The following EBF1 variants were observed in gnomAD, a reference collection of about 807,000 sequenced individuals.
The protein encoded by EBF1 is EBF transcription factor 1, also known as transcription factor COE1.
In EBF1, 10 loss-of-function variants were observed where a neutral mutation model predicts 68.4. The observed-to-expected ratio is 0.15, with a 90% CI of 0.09 to 0.25. The LOEUF (loss-of-function observed/expected upper bound fraction) is 0.25. EBF1 is among the 10% of genes least tolerant of loss of function. The pLI, the probability that EBF1 is intolerant of heterozygous loss-of-function variation, is 1.00. For missense variants in EBF1, 509 were observed against 794.4 expected (o/e 0.64, Z 4.32); for synonymous variants, 298 against 299.8 (o/e 0.99, Z 0.06).
chr5:158,862,815 T>C (rs889584586), intron 6 of EBF1, among the ~76,000 whole-genome samples: 3 of 152,226 alleles, frequency 2.0e-5, no homozygotes, highest in Non-Finnish European at 4.4e-5. Flanking sequence ...TGACCTACAA[T>C]ATGATTATCA....
rs1554163307 is a variant in EBF1, at chr5:158,852,039, GGAGGGGAGGA to G, written c.555-11939_555-11930del. ...AGAGGGGAGGGGAGGGAAAGGGTGG[GGAGGGGAGGA>G]GAGGGGAGGAGAGGGGAGGAGAGGG... On this transcript the variant is annotated intron_variant, in intron 6 of 15. Coordinates refer to ENST00000313708, the MANE Select transcript of EBF1 (RefSeq NM_024007.5). Among the ~76,000 whole-genome samples the G allele has an allele frequency of 4.4e-4, 10 of 22,484 alleles. No homozygotes were observed. The East Asian group carries it at 5.7e-3, about 13-fold the overall frequency. 14.8% of individuals were successfully genotyped at this position (22,484 alleles called of 152,430 possible). A position where few individuals can be genotyped will look rare whatever the true frequency, so the allele number is the denominator to read the frequency against.
At chr5:158,940,538 G>T (rs1475397272) in intron 6 of EBF1, among the ~76,000 whole-genome samples, 1 of 152,126 alleles carries the variant, frequency 6.6e-6, no homozygotes. Flanking sequence ...TGGTGAAGCT[G>T]GGATTTGAAC....
rs148591600 is a variant in EBF1, at chr5:159,046,677, A to T, written c.554+26719T>A. On this transcript the variant is annotated intron_variant, in intron 6 of 15. Transcript: ENST00000313708. ...ATGATTCAGAGACTAATAAGATGTGATCTCTGCCCTCCAGAAAACTGGTGA... is the reference window on the plus strand; with the variant it reads ...ATGATTCAGAGACTAATAAGATGTGTTCTCTGCCCTCCAGAAAACTGGTGA... Among the ~76,000 whole-genome samples, 516 of 152,306 alleles carry T rather than the reference A, an allele frequency of 3.4e-3. 4 individuals are homozygous for T. Among genetic ancestry groups the T allele is most frequent in the African/African-American group, 0.012 (494 of 41,548 alleles).
chr5:158,820,434 C>T (rs911982363), intron 8 of EBF1, among the ~76,000 whole-genome samples: 1 of 152,164 alleles, frequency 6.6e-6, no homozygotes, highest in African/African-American at 2.4e-5. Flanking sequence ...TGAAAGAGTT[C>T]AATAGTCATC....
chr5:158,705,180 C>T (rs1158043852), intron 15 of EBF1, among the ~76,000 whole-genome samples: 1 of 152,124 alleles, frequency 6.6e-6, no homozygotes, highest in African/African-American at 2.4e-5. Context: ...GAGGTTTCAC[C>T]ATGTTGGCCA....
intron 6 of EBF1, among the ~76,000 whole-genome samples, chr5:158,958,007 G>T (rs542140990): frequency 6.6e-6 from 1 of 152,268 alleles, no homozygotes; most frequent in Admixed American, 6.5e-5. Flanking sequence ...AAACCTGCCT[G>T]AAATGAAAAA....
chr5:159,036,574 A>C (rs1279372675), intron 6 of EBF1, among the ~76,000 whole-genome samples: 2 of 116,912 alleles, frequency 1.7e-5, no homozygotes, highest in African/African-American at 7.2e-5. Context: ...CTATTTAATA[A>C]ATGGTGCTGG....
In EBF1 at chr5:158,722,142, C is replaced by A. The variant is rs565002841; in HGVS notation, c.1126-7960G>T. 2.0e-5 allele frequency among the ~76,000 whole-genome samples: 3 copies of A among 152,146 alleles called. No individual in the cohort carries two copies. The East Asian group carries it at 5.8e-4, about 29-fold the overall frequency. ...GCTGTGGGTTAGGTCCTGCTGAGTG[C>A]CTTGGAAATCGACTTTCTGATCAGG... On this transcript the variant is annotated intron_variant, in intron 11 of 15. Coordinates refer to ENST00000313708, the MANE Select transcript of EBF1 (RefSeq NM_024007.5).
chr5:158,925,806 A>G (rs1199529913), intron 6 of EBF1, among the ~76,000 whole-genome samples: 1 of 152,246 alleles, frequency 6.6e-6, no homozygotes, highest in Non-Finnish European at 1.5e-5. Flanking sequence ...GTGGGAATTA[A>G]TTACAACCTA....
intron 15 of EBF1, among the ~76,000 whole-genome samples, chr5:158,702,743 CAAAAAAAAAAAA>C (rs58496050): frequency 4.3e-3 from 180 of 41,644 alleles, no homozygotes; most frequent in African/African-American, 7.5e-3. Flanking sequence ...GACTCCTTCT[CAAAAAAAAAAAA>C]AAAAAAAAAA....
chr5:159,008,682 C>T (rs549219292), intron 6 of EBF1, among the ~76,000 whole-genome samples: 3 of 152,058 alleles, frequency 2.0e-5, no homozygotes, highest in East Asian at 1.9e-4. Flanking sequence ...TGCACCACCA[C>T]GCCCGGCTAA....
intron 6 of EBF1, among the ~76,000 whole-genome samples, chr5:158,892,364 C>T (rs1000553864): frequency 3.3e-5 from 5 of 152,084 alleles, no homozygotes; most frequent in Admixed American, 2.6e-4. Flanking sequence ...TGGTGCACAC[C>T]TGTAACCCCA....
intron 6 of EBF1, among the ~76,000 whole-genome samples, chr5:158,906,814 C>A (rs148954101): frequency 1.3e-5 from 2 of 152,254 alleles, no homozygotes; most frequent in East Asian, 3.9e-4. Context: ...TGTTTACTAG[C>A]GCACTGTGAA....
At position 158,757,716 on chromosome 5, in the gene EBF1, C is replaced by T. The variant is rs1041048618; in HGVS notation, c.1036+19697G>A. Among the ~76,000 whole-genome samples the T allele has an allele frequency of 2.7e-4, 41 of 152,102 alleles. 1 individual carries two copies. Among genetic ancestry groups the T allele is most frequent in the Admixed American group, 1.3e-4 (2 of 15,262 alleles). On this transcript the variant is annotated intron_variant, in intron 10 of 15. Transcript: ENST00000313708. Reference sequence around the variant, plus strand: ...GCTGAACACCTCTTTGACTCAGTTTCTTCATTTGTAATACAGCGATAATAA... The same window carrying T: ...GCTGAACACCTCTTTGACTCAGTTTTTTCATTTGTAATACAGCGATAATAA...
chr5:158,709,501 T>C (rs1184677115), intron 14 of EBF1, among the ~76,000 whole-genome samples: 1 of 152,198 alleles, frequency 6.6e-6, no homozygotes, highest in Non-Finnish European at 1.5e-5. Flanking sequence ...GGGAAAAGCC[T>C]CGTTCCCATG....
At chr5:158,743,016 A>T (rs1298556331) in intron 10 of EBF1, among the ~76,000 whole-genome samples, 1 of 152,240 alleles carries the variant, frequency 6.6e-6, no homozygotes, top group Non-Finnish European at 1.5e-5. Flanking sequence ...GTGCCCTGTG[A>T]GTCCCCAGCT....
chr5:158,972,925 T>C (rs527802420), intron 6 of EBF1, among the ~76,000 whole-genome samples: 1 of 152,336 alleles, frequency 6.6e-6, no homozygotes, highest in East Asian at 1.9e-4. Context: ...TCCGCAAGGC[T>C]CTGTCCCTCT....
At position 158,696,649 on chromosome 5, in the gene EBF1, AGTC is replaced by A. The variant is rs887049315; in HGVS notation, c.*2459_*2461del. ...TTTTCCAGTTTTTTTTATTATTATT[AGTC>A]ATCATTATTATTTCTCACCATGAAA... On this transcript the variant is annotated 3_prime_UTR_variant, in exon 16 of 16. Transcript: ENST00000313708. The A allele has an allele frequency of 1.4e-4, 29 of 212,304 alleles. No individual in the cohort carries two copies. Among genetic ancestry groups the A allele is most frequent in the Admixed American group, 1.4e-3 (23 of 17,016 alleles). The allele number at this position is 212,304 out of a possible 1,614,324, so 13.2% of individuals were successfully genotyped here.
chr5:158,762,424 G>T lies in EBF1; in HGVS notation c.1036+14989C>A, dbSNP rs77953773. Among the ~76,000 whole-genome samples the T allele has an allele frequency of 2.4e-3, 367 of 152,282 alleles. 1 individual carries two copies. Among genetic ancestry groups the T allele is most frequent in the African/African-American group, 8.5e-3 (352 of 41,552 alleles). On this transcript the variant is annotated intron_variant, in intron 10 of 15. Coordinates refer to ENST00000313708, the MANE Select transcript of EBF1 (RefSeq NM_024007.5). ...TTTTTGGCTTTTCACCAATAATTGA[G>T]TGCCTTTTTAGGAAGGCCTGGAAAC...
Sources: gnomAD v4.1 joint callset for allele counts (sites outside exome capture counted in the v4.1 genomes callset) on GRCh38, gnomAD v4.1.1 for gene constraint, MANE v1.5 for transcripts, NCBI Gene and HGNC (gene_info 2026-07-23, HGNC 2026-07-21) for gene names.